The following FBN2 variants were observed in gnomAD, a reference collection of about 807,000 sequenced individuals.
The protein encoded by FBN2 is fibrillin 2, also known as fibrillin-2.
FBN2 carries 105 observed loss-of-function variants against 355.6 expected under a neutral mutation model. The observed-to-expected ratio is 0.30, with a 90% confidence interval of 0.25 to 0.35. FBN2 has a LOEUF of 0.35. Among genes scored for constraint, FBN2 ranks in the 10% least tolerant of loss-of-function variants. The pLI is 1.00. For synonymous variants in FBN2, 1,350 were observed against 1,301.2 expected (o/e 1.04, Z -0.81); for missense variants, 3,280 against 3,758.7 (o/e 0.87, Z 3.33).
intron 34 of FBN2, among the ~76,000 whole-genome samples, chr5:128,326,111 T>C (rs1049951786): frequency 2.0e-5 from 3 of 152,220 alleles, no homozygotes; most frequent in African/African-American, 7.2e-5. Flanking sequence ...GCATAGTTGC[T>C]ACTGTTTTTC....
chr5:128,475,444 T>G (rs1301608422), intron 5 of FBN2, among the ~76,000 whole-genome samples: 1 of 152,122 alleles, frequency 6.6e-6, no homozygotes, highest in Non-Finnish European at 1.5e-5. Flanking sequence ...CAAGCTAAAT[T>G]AGTTGTCTGG....
rs559314940 is a variant in FBN2, at chr5:128,297,277, T to C, written c.6166+3540A>G. Among the ~76,000 whole-genome samples the C allele has an allele frequency of 9.8e-5, 15 of 152,320 alleles. No individual in the cohort carries two copies. The South Asian group carries it at 3.1e-3, about 32-fold the overall frequency. On this transcript the variant is annotated intron_variant, in intron 48 of 64. Transcript: ENST00000262464. Reference sequence around the variant, plus strand: ...TCCAAGTATGTGGTCAATTTTGGAATAGGTGTGGTGTGGTGCTGAAAAAAA... The same window carrying C: ...TCCAAGTATGTGGTCAATTTTGGAACAGGTGTGGTGTGGTGCTGAAAAAAA...
chr5:128,464,251 T>C (rs1171486556), intron 6 of FBN2, among the ~76,000 whole-genome samples: 1 of 152,188 alleles, frequency 6.6e-6, no homozygotes, highest in African/African-American at 2.4e-5. Flanking sequence ...ACTGCAATCA[T>C]AGACAGAGTT....
At chr5:128,452,578 G>A (rs1754281661) in intron 6 of FBN2, among the ~76,000 whole-genome samples, 1 of 151,964 alleles carries the variant, frequency 6.6e-6, no homozygotes, top group South Asian at 2.1e-4. Context: ...CAGTATTATA[G>A]GCATATAAAA....
chr5:128,451,331 T>C (rs1352817806), intron 6 of FBN2, among the ~76,000 whole-genome samples: 2 of 152,240 alleles, frequency 1.3e-5, no homozygotes, highest in African/African-American at 4.8e-5. Flanking sequence ...ATACAATATA[T>C]GGCAAGAAGT....
rs372621040 is a variant in FBN2, at chr5:128,342,571, G to A, written c.3343+1814C>T. On this transcript the variant is annotated intron_variant, in intron 25 of 64. Coordinates refer to ENST00000262464, the MANE Select transcript of FBN2 (RefSeq NM_001999.4). ...GTATAAGTTGAGGAACAGGAAGCAGGGAAGAGGAGATGCTAGAGAGAGGAG... is the reference window on the plus strand; with the variant it reads ...GTATAAGTTGAGGAACAGGAAGCAGAGAAGAGGAGATGCTAGAGAGAGGAG... Among the ~76,000 whole-genome samples the A allele has an allele frequency of 7.2e-5, 11 of 152,176 alleles. No homozygotes were observed. The South Asian group carries it at 2.3e-3, about 32-fold the overall frequency.
At position 128,289,893 on chromosome 5, in the gene FBN2, T is replaced by A; in HGVS notation, c.6500A>T (p.Asp2167Val). Residue 2167 changes from aspartate to valine, a missense_variant, in exon 51 of 65, where the codon GAT (aspartate) becomes GTT (valine). Transcript: ENST00000262464. ...ATATCAAAGCGTACCTTCACGTGTATCATGAAGACTAGGGACAGTTCCATG... is the reference window on the plus strand; with the variant it reads ...ATATCAAAGCGTACCTTCACGTGTAACATGAAGACTAGGGACAGTTCCATG... Reference protein sequence around the residue: ...YGHGTVPSLHDTREDVNECLE... With the variant: ...YGHGTVPSLHVTREDVNECLE... The A allele has an allele frequency of 6.3e-7, 1 of 1,580,924 alleles. No individual in the cohort carries two copies. The highest frequency in any genetic ancestry group is 8.7e-7 in the Non-Finnish European group (1 of 1,150,020).
At chr5:128,339,193 C>G in intron 25 of FBN2, 132 bp from the exon 26 acceptor site, 1 of 890,812 alleles carries the variant, frequency 1.1e-6, no homozygotes, top group Non-Finnish European at 1.8e-6. Flanking sequence ...TTCAGTAGAC[C>G]CAGATAGAAG....
At chr5:128,477,464 T>C (rs534828183) in intron 5 of FBN2, among the ~76,000 whole-genome samples, 18 of 152,186 alleles carry the variant, frequency 1.2e-4, no homozygotes, top group Non-Finnish European at 2.4e-4. Flanking sequence ...CATAAAACAC[T>C]TAAAGATAAA....
chr5:128,476,860 G>A (rs1043330892), intron 5 of FBN2, among the ~76,000 whole-genome samples: 5 of 152,204 alleles, frequency 3.3e-5, no homozygotes, highest in African/African-American at 9.7e-5. Context: ...GGTTTCTACA[G>A]AAGATTTTGT....
At chr5:128,290,051 C>T (rs1749278792) in intron 50 of FBN2, 104 bp from the exon 51 acceptor site, 2 of 737,054 alleles carry the variant, frequency 2.7e-6, no homozygotes. Context: ...ATTATGTTTC[C>T]ATTACAAAGC....
Position 128,397,514 on chromosome 5 carries a change from C to T in FBN2, c.1079-2240G>A, listed in dbSNP as rs75487108. 7.9e-3 allele frequency among the ~76,000 whole-genome samples: 1,203 copies of T among 152,174 alleles called. 15 individuals carry two copies. Among genetic ancestry groups the T allele is most frequent in the African/African-American group, 0.027 (1,127 of 41,520 alleles). The stretch of plus-strand genomic sequence containing the variant: ...TTACATTCAAATATTATTAATTGTT[C>T]GATTTTCAACCGTATTTAACTCTTC... On this transcript the variant is annotated intron_variant, in intron 8 of 64. Transcript: ENST00000262464.
At chr5:128,436,367 A>G (rs1461826174) in intron 7 of FBN2, among the ~76,000 whole-genome samples, 1 of 152,190 alleles carries the variant, frequency 6.6e-6, no homozygotes, top group Non-Finnish European at 1.5e-5. Flanking sequence ...TGCCCTTCCC[A>G]AATAGTTTAT....
intron 23 of FBN2, among the ~76,000 whole-genome samples, chr5:128,349,043 G>A (rs1271714733): frequency 6.6e-6 from 1 of 152,106 alleles, no homozygotes; most frequent in Non-Finnish European, 1.5e-5. Context: ...TTCCTGCTGT[G>A]TTCAACATAT....
intron 55 of FBN2, among the ~76,000 whole-genome samples, chr5:128,282,346 T>C (rs1416916240): frequency 6.6e-6 from 1 of 152,170 alleles, no homozygotes; most frequent in Non-Finnish European, 1.5e-5. Flanking sequence ...GTTTTTTTAG[T>C]TTATTATTTC....
At chr5:128,380,643 A>C (rs188476907) in intron 11 of FBN2, among the ~76,000 whole-genome samples, 284 of 152,260 alleles carry the variant, frequency 1.9e-3, no homozygotes, top group Non-Finnish European at 3.0e-3. Context: ...ATCACCAAAA[A>C]AGCAATTAGT....
intron 6 of FBN2, among the ~76,000 whole-genome samples, chr5:128,463,428 ACATATGTGAGCTTT>A (rs1157869458): frequency 1.3e-5 from 2 of 152,186 alleles, no homozygotes; most frequent in African/African-American, 4.8e-5. Flanking sequence ...TCCACAGCTC[ACATATGTGAGCTTT>A]CATATGTGAT....
intron 8 of FBN2, among the ~76,000 whole-genome samples, chr5:128,402,831 A>G (rs1261432860): frequency 6.6e-6 from 1 of 152,216 alleles, no homozygotes; most frequent in East Asian, 1.9e-4. Context: ...GATTTTGCGG[A>G]TTCTTACTAT....
chr5:128,359,856 A>T (rs1364401261), intron 19 of FBN2, among the ~76,000 whole-genome samples: 1 of 107,066 alleles, frequency 9.3e-6, no homozygotes, highest in Non-Finnish European at 2.1e-5. Flanking sequence ...TGGTATTTCA[A>T]CTCTCAGAAC....
Sources: gnomAD v4.1 joint callset for allele counts (sites outside exome capture counted in the v4.1 genomes callset) on GRCh38, gnomAD v4.1.1 for gene constraint, MANE v1.5 for transcripts, NCBI Gene and HGNC (gene_info 2026-07-23, HGNC 2026-07-21) for gene names.